Variants in CNIH3 observed in about 807,000 individuals in gnomAD.
CNIH3 encodes the protein cornichon family AMPA receptor auxiliary protein 3.
In CNIH3, 14 loss-of-function variants were observed where a neutral mutation model predicts 24.1. The ratio of observed to expected loss-of-function variants is 0.58; its 90% CI spans 0.38 to 0.91. The LOEUF (loss-of-function observed/expected upper bound fraction) is 0.91. Among genes scored for constraint, CNIH3 ranks in the 40% least tolerant of loss-of-function variants. The probability of loss-of-function intolerance (pLI) is 0.00; values close to 1 mark genes in which losing one functional copy is unlikely to be tolerated. For synonymous variants in CNIH3, 68 were observed against 73.8 expected, an observed-to-expected ratio of 0.92 and a Z score of 0.40; for missense variants, 178 against 196.8, an observed-to-expected ratio of 0.90 and a Z score of 0.57.
chr1:224,443,241 G>T (rs1439699399), intron 1 of CNIH3, among the ~76,000 whole-genome samples: 1 of 152,144 alleles, frequency 6.6e-6, no homozygotes, highest in East Asian at 1.9e-4. Flanking sequence ...AACTGAGAAG[G>T]CTTCCAAACC....
intron 1 of CNIH3, among the ~76,000 whole-genome samples, chr1:224,652,679 G>A (rs1002681343): frequency 1.2e-4 from 18 of 152,162 alleles, no homozygotes; most frequent in African/African-American, 2.9e-4. Context: ...CCACATCAAC[G>A]TAGAAGGAGC....
intron 3 of CNIH3, among the ~76,000 whole-genome samples, chr1:224,729,271 G>A (rs1421104144): frequency 6.6e-6 from 1 of 151,878 alleles, no homozygotes; most frequent in African/African-American, 2.4e-5. Flanking sequence ...AATTAGCTGG[G>A]CGTGGTAGCA....
chr1:224,653,885 C>A (rs879565687), intron 1 of CNIH3, among the ~76,000 whole-genome samples: 3 of 152,026 alleles, frequency 2.0e-5, no homozygotes, highest in African/African-American at 4.8e-5. Context: ...TTGAGACCAG[C>A]CTGGGCAATA....
chr1:224,652,785 C>T (rs191387337), intron 1 of CNIH3, among the ~76,000 whole-genome samples: 130 of 152,304 alleles, frequency 8.5e-4, no homozygotes, highest in Admixed American at 3.0e-3. Context: ...CCAGGTTGCA[C>T]GAATTGGTGG....
intron 1 of CNIH3, among the ~76,000 whole-genome samples, chr1:224,463,991 A>G (rs1473091038): frequency 6.8e-6 from 1 of 148,072 alleles, no homozygotes; most frequent in African/African-American, 2.5e-5. Context: ...GGGTTTCACC[A>G]TATTGGCCAG....
chr1:224,735,673 T>C (rs971295775), intron 5 of CNIH3, among the ~76,000 whole-genome samples: 10 of 152,324 alleles, frequency 6.6e-5, no homozygotes, highest in South Asian at 2.1e-4. Flanking sequence ...AATTTTTATT[T>C]AAAGATGGGG....
intron 1 of CNIH3, among the ~76,000 whole-genome samples, chr1:224,463,789 T>A (rs1572293100): frequency 8.3e-6 from 1 of 120,958 alleles, no homozygotes; most frequent in African/African-American, 3.4e-5. Flanking sequence ...TTTTTTTTTT[T>A]TTTTTTTTTT....
At chr1:224,443,594 C>G (rs772711198) in intron 1 of CNIH3, among the ~76,000 whole-genome samples, 3 of 151,932 alleles carry the variant, frequency 2.0e-5, no homozygotes, top group Non-Finnish European at 4.4e-5. Flanking sequence ...AACTGGGCTA[C>G]CTAGAGACCT....
At chr1:224,491,197 A>G (rs1181555544) in intron 1 of CNIH3, among the ~76,000 whole-genome samples, 1 of 152,252 alleles carries the variant, frequency 6.6e-6, no homozygotes, top group African/African-American at 2.4e-5. Context: ...GCTGAGGAAC[A>G]AAAACCATCC....
chr1:224,535,433 C>T (rs1679244644), intron 2 of CNIH3, among the ~76,000 whole-genome samples: 3 of 152,206 alleles, frequency 2.0e-5, no homozygotes, highest in Admixed American at 6.5e-5. Flanking sequence ...TCAAACCATC[C>T]AACATATAGT....
intron 1 of CNIH3, among the ~76,000 whole-genome samples, chr1:224,635,973 C>G (rs1346462135): frequency 6.6e-6 from 1 of 152,162 alleles, no homozygotes; most frequent in East Asian, 1.9e-4. Flanking sequence ...CTTGGCCTCC[C>G]AAAGCACTGG....
At chr1:224,560,399 A>G (rs1680315609) in intron 3 of CNIH3, among the ~76,000 whole-genome samples, 1 of 152,110 alleles carries the variant, frequency 6.6e-6, no homozygotes. Flanking sequence ...GTTATCTTTT[A>G]ATCAGGACCC....
At chr1:224,532,937 A>G (rs1361124118) in intron 2 of CNIH3, among the ~76,000 whole-genome samples, 4 of 152,216 alleles carry the variant, frequency 2.6e-5, no homozygotes, top group South Asian at 2.1e-4. Context: ...AGGAAGATTC[A>G]GTAGAGAAGT....
Position 224,622,170 on chromosome 1 carries a change from G to A in CNIH3, c.81+4915G>A, listed in dbSNP as rs1302983057. On this transcript the variant is annotated intron_variant, in intron 1 of 5. Coordinates refer to ENST00000272133, the MANE Select transcript of CNIH3 (RefSeq NM_152495.2). ...TGGGAGAACAGACTAACAGTAACTCGTTTCTGATTTGGCTTCTGGCTGCTT... is the reference window on the plus strand; with the variant it reads ...TGGGAGAACAGACTAACAGTAACTCATTTCTGATTTGGCTTCTGGCTGCTT... 2.6e-5 allele frequency among the ~76,000 whole-genome samples: 4 copies of A among 152,206 alleles called. No individual in the cohort carries two copies. The East Asian group carries it at 5.8e-4, about 22-fold the overall frequency.
At chr1:224,486,416 A>C (rs531718248) in intron 1 of CNIH3, among the ~76,000 whole-genome samples, 43 of 152,108 alleles carry the variant, frequency 2.8e-4, no homozygotes, top group Admixed American at 4.6e-4. Context: ...TGTTTTATGC[A>C]TAGTCCTTAA....
At chr1:224,566,877 T>A (rs1680604244) in intron 4 of CNIH3, among the ~76,000 whole-genome samples, 1 of 152,238 alleles carries the variant, frequency 6.6e-6, no homozygotes, top group Non-Finnish European at 1.5e-5. Context: ...TCTTTGGGTA[T>A]ATACCCAGTA....
At position 224,682,166 on chromosome 1, in the gene CNIH3, A is replaced by G. The variant is rs140774010; in HGVS notation, c.150+1140A>G. Among the ~76,000 whole-genome samples, 386 of 152,336 alleles carry G rather than the reference A, an allele frequency of 2.5e-3. 2 individuals are homozygous for G. The highest frequency in any genetic ancestry group is 8.4e-3 in the African/African-American group (348 of 41,584). On this transcript the variant is annotated intron_variant, in intron 2 of 5. Transcript: ENST00000272133. ...GAACCGGGATTCAGTGTCCCTTTCT[A>G]TAGAGTTATTACTGGAGTTGTCATT... is the stretch of plus-strand genomic sequence containing the variant.
chr1:224,578,366 A>T (rs2125010599), intron 4 of CNIH3, among the ~76,000 whole-genome samples: 1 of 152,294 alleles, frequency 6.6e-6, no homozygotes. Context: ...CAACAATTTC[A>T]TCTTCTTGAT....
intron 1 of CNIH3, among the ~76,000 whole-genome samples, chr1:224,509,166 T>A (rs182384532): frequency 1.8e-4 from 28 of 152,092 alleles, no homozygotes; most frequent in African/African-American, 6.8e-4. Context: ...ATACTAAAAA[T>A]ACAAAAATTA....
Sources: allele counts gnomAD v4.1 joint callset (sites outside exome capture counted in the v4.1 genomes callset), GRCh38; gene constraint gnomAD v4.1.1; transcripts MANE v1.5; gene names NCBI Gene and HGNC (gene_info 2026-07-23, HGNC 2026-07-21).